The following USP53 variants were observed in gnomAD, a reference collection of about 807,000 sequenced individuals.
USP53 encodes the protein ubiquitin carboxyl-terminal hydrolase 53.
USP53 carries 71 observed loss-of-function variants against 94.9 expected under a neutral mutation model. The ratio of observed to expected loss-of-function variants is 0.75; its 90% CI spans 0.62 to 0.91. The LOEUF is 0.91. USP53 is among the 40% of genes least tolerant of loss of function. The probability of loss-of-function intolerance (pLI) is 0.00; values close to 1 mark genes in which losing one functional copy is unlikely to be tolerated. For missense variants in USP53, 1,173 were observed against 1,281.0 expected, an observed-to-expected ratio of 0.92 and a Z score of 1.29; for synonymous variants, 375 against 422.7, an observed-to-expected ratio of 0.89 and a Z score of 1.39.
chr4:119,253,631 C>T (rs972595589), intron 7 of USP53, among the ~76,000 whole-genome samples: 2 of 152,044 alleles, frequency 1.3e-5, no homozygotes, highest in Non-Finnish European at 2.9e-5. Flanking sequence ...TGAGATGGGT[C>T]TCCTGAATAC....
chr4:119,279,401 G>T (rs1753145494), intron 17 of USP53, among the ~76,000 whole-genome samples: 2 of 150,028 alleles, frequency 1.3e-5, no homozygotes, highest in Admixed American at 1.3e-4. Context: ...GTGCCTCCCA[G>T]TTAGGCTGCT....
chr4:119,288,602 C>T (rs1192199045), intron 17 of USP53, among the ~76,000 whole-genome samples: 2 of 152,224 alleles, frequency 1.3e-5, no homozygotes, highest in East Asian at 3.9e-4. Flanking sequence ...ATACTTTACT[C>T]ATGCATGATT....
chr4:119,284,935 C>T (rs111308393), intron 17 of USP53, among the ~76,000 whole-genome samples: 316 of 151,982 alleles, frequency 2.1e-3, no homozygotes, highest in African/African-American at 7.3e-3. Context: ...GAATTTTTGT[C>T]TGTCTTTCCA....
chr4:119,262,721 CA>C (rs1313868789), intron 12 of USP53, among the ~76,000 whole-genome samples: 1 of 152,120 alleles, frequency 6.6e-6, no homozygotes, highest in Admixed American at 6.5e-5. Flanking sequence ...TGAACCTGTG[CA>C]GTTCAAACCT....
chr4:119,280,467 A>C (rs1753390391), intron 17 of USP53, among the ~76,000 whole-genome samples: 1 of 152,112 alleles, frequency 6.6e-6, no homozygotes, highest in South Asian at 2.1e-4. Context: ...GGTCTTTCTG[A>C]CTTTATTTAC....
At position 119,239,873 on chromosome 4, in the gene USP53, A is replaced by G; in HGVS notation, c.114A>G (p.Gln38=). 1.2e-6 allele frequency: 2 copies of G among 1,608,154 alleles called. No individual in the cohort carries two copies. Among genetic ancestry groups the G allele is most frequent in the Non-Finnish European group, 1.7e-6 (2 of 1,177,390 alleles). The stretch of plus-strand genomic sequence containing the variant: ...AAGGCTTGTTAAATGAACCAGGACA[A>G]AACAGCTGCTTTCTTAATAGCGCTG... ...PTKGLLNEPG[Q]NSCFLNSAVQ... The change falls in exon 5 of 19, where the codon CAA becomes CAG. Residue 38 remains glutamine (Q), a synonymous_variant. Transcript: ENST00000692078.
chr4:119,252,171 C>T (rs1370457450), intron 7 of USP53, among the ~76,000 whole-genome samples: 3 of 152,186 alleles, frequency 2.0e-5, no homozygotes, highest in African/African-American at 7.2e-5. Flanking sequence ...TAATGTTCAT[C>T]AGGGATATTG....
At chr4:119,214,908 T>C (rs1458724603) in intron 2 of USP53, among the ~76,000 whole-genome samples, 1 of 152,212 alleles carries the variant, frequency 6.6e-6, no homozygotes, top group Non-Finnish European at 1.5e-5. Context: ...TACATTGCTT[T>C]ACCCTACAAC....
At chr4:119,245,224 A>G (rs1748066972) in intron 5 of USP53, 113 bp from the exon 6 acceptor site, 2 of 872,852 alleles carry the variant, frequency 2.3e-6, no homozygotes, top group Non-Finnish European at 3.7e-6. Context: ...ACAGGCAATT[A>G]AAAGAAGTTA....
intron 9 of USP53, among the ~76,000 whole-genome samples, chr4:119,258,379 T>C (rs1750038099): frequency 6.6e-6 from 1 of 152,234 alleles, no homozygotes; most frequent in Non-Finnish European, 1.5e-5. Context: ...TATTGAACTG[T>C]AAAATATATC....
rs186920650 is a variant in USP53 at position 119,230,000 on chromosome 4, C to T, written c.-664-5290C>T. On this transcript the variant is annotated intron_variant, in intron 3 of 18. Transcript: ENST00000692078. ...AAATGCATCTCATCCTCCCAACATA[C>T]GCATGAAACTTGTGCTCGTTTTTCA... Among the ~76,000 whole-genome samples, 477 of 152,262 alleles carry T rather than the reference C, an allele frequency of 3.1e-3. 2 individuals are homozygous for T. The highest frequency in any genetic ancestry group is 0.013 in the South Asian group (63 of 4,822).
At chr4:119,279,845 G>A (rs997032693) in intron 17 of USP53, among the ~76,000 whole-genome samples, 34 of 152,330 alleles carry the variant, frequency 2.2e-4, no homozygotes, top group African/African-American at 7.9e-4. Context: ...CAATATTCGG[G>A]TGGGAGTGAC....
At chr4:119,249,518 G>C (rs140670972) in intron 7 of USP53, among the ~76,000 whole-genome samples, 1 of 151,914 alleles carries the variant, frequency 6.6e-6, no homozygotes, top group Non-Finnish European at 1.5e-5. Flanking sequence ...TCTGTTTCTA[G>C]TCAGCAAAGT....
chr4:119,245,531 G>A (rs557551971), intron 6 of USP53, 102 bp downstream of exon 6: 6 of 917,738 alleles, frequency 6.5e-6, no homozygotes, highest in Admixed American at 6.3e-5. Context: ...TCACTGTCAG[G>A]TGATTAACAG....
chr4:119,248,016 CATGGGACTGAA>C (rs1408886280), intron 6 of USP53, among the ~76,000 whole-genome samples: 1 of 151,890 alleles, frequency 6.6e-6, no homozygotes, highest in African/African-American at 2.4e-5. Flanking sequence ...TTTGAGCTAA[CATGGGACTGAA>C]TGTGACCAAT....
rs1291306208 is a variant in USP53, at chr4:119,214,198, A to G, written c.-813A>G. The G allele has an allele frequency of 6.6e-6, 1 of 152,062 alleles. No individual in the cohort carries two copies. Among genetic ancestry groups the G allele is most frequent in the Non-Finnish European group, 1.5e-5 (1 of 68,010 alleles). The allele number at this position is 152,062 out of a possible 1,614,324, so 9.4% of individuals were successfully genotyped here. On this transcript the variant is annotated 5_prime_UTR_variant, in exon 2 of 19. It removes the in-frame stop codon of an upstream open reading frame in the 5' UTR. Transcript: ENST00000692078. ...ATATGATTTACCTGCTGTTGTCATA[A>G]GAATTCCAAATAGACAAACTCGGTG...
chr4:119,294,258 A>C lies in USP53; in HGVS notation c.*1047A>C, dbSNP rs1243521825. 2 of 152,088 alleles carry C rather than the reference A, an allele frequency of 1.3e-5. No individual in the cohort carries two copies. Among genetic ancestry groups the C allele is most frequent in the African/African-American group, 4.8e-5 (2 of 41,416 alleles). 9.4% of individuals were successfully genotyped at this position (152,088 alleles called of 1,614,324 possible). ...TGTCAACCCATTTTATCTGAATTTG[A>C]AAATCTATCTAGGTTTCCAGATTAA... On this transcript the variant is annotated 3_prime_UTR_variant, in exon 19 of 19. Coordinates refer to ENST00000692078, the MANE Select transcript of USP53 (RefSeq NM_001371395.1).
intron 4 of USP53, among the ~76,000 whole-genome samples, chr4:119,236,929 C>T (rs1746842594): frequency 6.6e-6 from 1 of 152,146 alleles, no homozygotes; most frequent in African/African-American, 2.4e-5. Flanking sequence ...TTACTTTGCC[C>T]AGTTCCATCA....
chr4:119,281,526 A>G (rs747440175), intron 17 of USP53, among the ~76,000 whole-genome samples: 21 of 152,208 alleles, frequency 1.4e-4, no homozygotes, highest in Admixed American at 6.5e-4. Context: ...TTCCTTTCCC[A>G]TATTAGAATG....
Sources: gnomAD v4.1 joint callset for allele counts (sites outside exome capture counted in the v4.1 genomes callset) on GRCh38, gnomAD v4.1.1 for gene constraint, MANE v1.5 for transcripts, NCBI Gene and HGNC (gene_info 2026-07-23, HGNC 2026-07-21) for gene names.